ARHGAP36: variants seen among roughly 807,000 people sequenced by gnomAD.
ARHGAP36 encodes the protein rho GTPase-activating protein 36.
A neutral mutation model predicts 32.9 loss-of-function variants in ARHGAP36; 7 were observed. The ratio of observed to expected loss-of-function variants is 0.21; its 90% CI spans 0.12 to 0.40. The LOEUF (loss-of-function observed/expected upper bound fraction) is 0.40. ARHGAP36 is among the 10% of genes least tolerant of loss of function. The pLI is 1.00. For synonymous variants in ARHGAP36, 165 were observed against 168.3 expected, an observed-to-expected ratio of 0.98 and a Z score of 0.15; for missense variants, 383 against 442.2, an observed-to-expected ratio of 0.87 and a Z score of 1.20.
chrX:131,064,684 C>T (rs1250268229), intron 1 of ARHGAP36, among the ~76,000 whole-genome samples: 6 of 110,829 alleles, frequency 5.4e-5, no homozygotes, highest in Admixed American at 4.8e-4. Context: ...AGTAAGTGCT[C>T]GAGCTGGGAT....
At chrX:131,073,190 A>T (rs2079741572) in intron 1 of ARHGAP36, among the ~76,000 whole-genome samples, 1 of 112,686 alleles carries the variant, frequency 8.9e-6, no homozygotes, top group African/African-American at 3.2e-5. Context: ...CGCAAGAAAG[A>T]TTTAATTTTT....
chrX:131,088,824 G>T lies in ARHGAP36; in HGVS notation c.*39G>T. ...TATAAGGTGCCAGACAGGGGAAAAG[G>T]GTGGGGGTACATCTGGGATGTCACA... is the stretch of plus-strand genomic sequence containing the variant. On this transcript the variant is annotated 3_prime_UTR_variant, in exon 12 of 12. Transcript: ENST00000276211. 8.5e-7 allele frequency: 1 copy of T among 1,173,239 alleles called. No individual in the cohort carries two copies. The highest frequency in any genetic ancestry group is 1.1e-6 in the Non-Finnish European group (1 of 877,782).
intron 1 of ARHGAP36, among the ~76,000 whole-genome samples, chrX:131,066,615 G>T (rs763734338): frequency 4.6e-4 from 52 of 112,107 alleles, no homozygotes; most frequent in African/African-American, 1.7e-3. Context: ...AAGATTTGTA[G>T]AGAAATGATA....
intron 1 of ARHGAP36, among the ~76,000 whole-genome samples, chrX:131,064,279 G>A (rs2079685471): frequency 1.8e-5 from 2 of 111,710 alleles, no homozygotes; most frequent in African/African-American, 3.3e-5. Flanking sequence ...AACACTGCGA[G>A]GAGAAACTGC....
intron 4 of ARHGAP36, 67 bp from the exon 5 acceptor site, chrX:131,084,148 G>A (rs1376026809): frequency 7.3e-6 from 8 of 1,091,008 alleles, no homozygotes; most frequent in Admixed American, 2.7e-5. Flanking sequence ...CATACATACA[G>A]TACTCAGGAA....
intron 1 of ARHGAP36, among the ~76,000 whole-genome samples, chrX:131,061,913 C>T (rs926547733): frequency 8.9e-5 from 10 of 112,316 alleles, no homozygotes; most frequent in Admixed American, 2.8e-4. Flanking sequence ...ATCTCAGGCT[C>T]CAGCAGTAGA....
In ARHGAP36 at chrX:131,089,135, C is replaced by A. The variant is rs1002290242; in HGVS notation, c.*350C>A. The stretch of plus-strand genomic sequence containing the variant: ...TAAACACCTTTCCCAGGGAACCTCA[C>A]AAATCTTGAGATGCTTTCCCTTCCC... On this transcript the variant is annotated 3_prime_UTR_variant, in exon 12 of 12. Coordinates refer to ENST00000276211, the MANE Select transcript of ARHGAP36 (RefSeq NM_144967.4). 1.9e-5 allele frequency: 3 copies of A among 154,648 alleles called. No individual in the cohort carries two copies. Among genetic ancestry groups the A allele is most frequent in the African/African-American group, 6.2e-5 (2 of 32,143 alleles). 12.7% of individuals were successfully genotyped at this position (154,648 alleles called of 1,213,427 possible).
intron 1 of ARHGAP36, among the ~76,000 whole-genome samples, chrX:131,080,418 T>C (rs2079789787): frequency 9.2e-6 from 1 of 109,198 alleles, no homozygotes; most frequent in Admixed American, 9.8e-5. Flanking sequence ...AAAAAAGAAA[T>C]AGTATTACCT....
rs1194567930 is a variant in ARHGAP36, at chrX:131,081,504, AT to A, written c.-142-10del. 508 of 973,184 alleles carry A rather than the reference AT, an allele frequency of 5.2e-4. No homozygotes were observed. Among genetic ancestry groups the A allele is most frequent in the Admixed American group, 2.0e-3 (40 of 20,087 alleles). 80.2% of individuals were successfully genotyped at this position (973,184 alleles called of 1,213,427 possible). On this transcript the variant is annotated intron_variant, in intron 1 of 11. Transcript: ENST00000276211. The stretch of plus-strand genomic sequence containing the variant: ...TTAAGGGCTGAATTTTTGAAGTTGG[AT>A]TTTTTTTTTCTTTTTTAGCAAAAAC...
chrX:131,083,356 A>G (rs1232890448), intron 3 of ARHGAP36, 126 bp downstream of exon 3: 2 of 677,660 alleles, frequency 3.0e-6, no homozygotes, highest in African/African-American at 4.4e-5. Context: ...CAGCTCCCAA[A>G]CCCCACAGTG....
intron 1 of ARHGAP36, among the ~76,000 whole-genome samples, chrX:131,062,799 G>T (rs376894759): frequency 8.9e-6 from 1 of 112,003 alleles, no homozygotes; most frequent in Non-Finnish European, 1.9e-5. Flanking sequence ...TCTGAGGTTA[G>T]TATTATTGTC....
rs1160455270 is a variant in ARHGAP36 at position 131,085,993 on chromosome X, G to A, written c.1185G>A (p.Lys395=). Residue 395 remains lysine (K), a synonymous_variant, in exon 9 of 12, where the codon AAG becomes AAA. Coordinates refer to ENST00000276211, the MANE Select transcript of ARHGAP36 (RefSeq NM_144967.4). The part of the protein sequence containing the change: ...SALLKKGKFG[K]RESRKTKLGI... ...TCCTGAAAAAAGGAAAGTTTGGCAAGAGAGAGTCCAGGAAAACAAAGCTGG... is the reference window on the plus strand; with the variant it reads ...TCCTGAAAAAAGGAAAGTTTGGCAAAAGAGAGTCCAGGAAAACAAAGCTGG... 1 of 1,211,743 alleles carries A rather than the reference G, an allele frequency of 8.3e-7. No individual in the cohort carries two copies. Among genetic ancestry groups the A allele is most frequent in the Non-Finnish European group, 1.1e-6 (1 of 895,423 alleles).
chrX:131,073,539 GT>G (rs2079743707), intron 1 of ARHGAP36, among the ~76,000 whole-genome samples: 1 of 113,115 alleles, frequency 8.8e-6, no homozygotes, highest in Non-Finnish European at 1.9e-5. Context: ...CTTGGGGGTG[GT>G]GGGCTCTCTC....
At position 131,083,919 on chromosome X, in the gene ARHGAP36, A is replaced by G; in HGVS notation, c.505A>G (p.Arg169Gly). The G allele has an allele frequency of 1.7e-6, 2 of 1,211,865 alleles. No individual in the cohort carries two copies. Among genetic ancestry groups the G allele is most frequent in the Non-Finnish European group, 2.2e-6 (2 of 895,581 alleles). The change falls in exon 4 of 12, where the codon AGG (arginine) becomes GGG (glycine). Residue 169 changes from arginine to glycine, a missense_variant. Arg to Gly is a moderately radical substitution (Grantham distance 125). Around this residue, in one of 2 missense-constraint regions of ARHGAP36, gnomAD observed 227 missense variants for 311.3 expected, o/e 0.73. Transcript: ENST00000276211. Reference sequence around the variant, plus strand: ...CCGCATCCGGCGCTTTTTCAGTCGCAGGCGGAATGAGCCCACCTTGCCCCG... The same window carrying G: ...CCGCATCCGGCGCTTTTTCAGTCGCGGGCGGAATGAGCCCACCTTGCCCCG... ...FGRIRRFFSR[R>G]RNEPTLPREF...
At position 131,089,015 on chromosome X, in the gene ARHGAP36, G is replaced by A. The variant is rs1316049965; in HGVS notation, c.*230G>A. 4 of 376,002 alleles carry A rather than the reference G, an allele frequency of 1.1e-5. No individual in the cohort carries two copies. The South Asian group carries it at 3.6e-4, about 34-fold the overall frequency. The allele number at this position is 376,002 out of a possible 1,213,427, so 31.0% of individuals were successfully genotyped here. ...AGAGATGTTTCTGTGTCATGCCCAA[G>A]CTCCCCGGTGCTACCTTGCCTTTCT... is the stretch of plus-strand genomic sequence containing the variant. On this transcript the variant is annotated 3_prime_UTR_variant, in exon 12 of 12. Coordinates refer to ENST00000276211, the MANE Select transcript of ARHGAP36 (RefSeq NM_144967.4).
At chrX:131,064,970 A>T (rs1363537927) in intron 1 of ARHGAP36, among the ~76,000 whole-genome samples, 1 of 108,471 alleles carries the variant, frequency 9.2e-6, no homozygotes, top group African/African-American at 3.5e-5. Flanking sequence ...ATGGGAACAC[A>T]TTTTCTGAAC....
Position 131,081,598 on chromosome X carries a change from C to T in ARHGAP36, c.-68C>T. 1.7e-6 allele frequency: 2 copies of T among 1,168,026 alleles called. No individual in the cohort carries two copies. Among genetic ancestry groups the T allele is most frequent in the East Asian group, 6.0e-5 (2 of 33,129 alleles). ...TTTCCCTCCCCCTCTACCCCCACCC[C>T]CATAGTTCTCTCCACCAGGTCCAGT... On this transcript the variant is annotated 5_prime_UTR_variant, in exon 2 of 12. Coordinates refer to ENST00000276211, the MANE Select transcript of ARHGAP36 (RefSeq NM_144967.4).
chrX:131,086,381 C>T lies in ARHGAP36; in HGVS notation c.1334C>T (p.Pro445Leu), dbSNP rs1427003368. 4.1e-6 allele frequency: 5 copies of T among 1,210,302 alleles called. No individual in the cohort carries two copies. Among genetic ancestry groups the T allele is most frequent in the South Asian group, 1.8e-5 (1 of 56,815 alleles). ...QVAKRVWKSS[P>L]EALDFIRRRN... ...GCTAAGCGCGTGTGGAAGTCCAGCC[C>T]GGAAGCACTTGATTTTATCAGACGC... The change falls in exon 10 of 12, where the codon CCG becomes CTG. Residue 445 changes from proline to leucine, a missense_variant. Pro to Leu is a moderately conservative substitution (Grantham distance 98). Around this residue, in one of 2 missense-constraint regions of ARHGAP36, gnomAD observed 227 missense variants for 311.3 expected, o/e 0.73. Coordinates refer to ENST00000276211, the MANE Select transcript of ARHGAP36 (RefSeq NM_144967.4).
chrX:131,065,902 A>G (rs1467541401), intron 1 of ARHGAP36, among the ~76,000 whole-genome samples: 1 of 111,808 alleles, frequency 8.9e-6, no homozygotes, highest in Non-Finnish European at 1.9e-5. Context: ...GAAGTGACTC[A>G]CCACTGTTGA....
Sources: gnomAD v4.1 joint callset for allele counts (sites outside exome capture counted in the v4.1 genomes callset) on GRCh38, gnomAD v4.1.1 for gene constraint, gnomAD v4.1.1 regional missense constraint, MANE v1.5 for transcripts, NCBI Gene and HGNC (gene_info 2026-07-23, HGNC 2026-07-21) for gene names.